PEPD: variants seen among roughly 807,000 people sequenced by gnomAD.
The protein encoded by PEPD is peptidase D.
Under a neutral mutation model 60.7 loss-of-function variants are expected in PEPD, and 53 were observed. That is an observed-to-expected ratio of 0.87 (90% CI 0.70 to 1.10). The LOEUF is 1.10. Ranked by LOEUF, PEPD falls within the 50% of genes least tolerant of loss-of-function variation. The pLI is 0.00. For synonymous variants in PEPD, 267 were observed against 284.1 expected (o/e 0.94, Z 0.60); for missense variants, 711 against 711.9 (o/e 1.00, Z 0.01).
intron 9 of PEPD, among the ~76,000 whole-genome samples, chr19:33,455,273 TCTA>T (rs1969774724): frequency 6.6e-6 from 1 of 152,210 alleles, no homozygotes; most frequent in African/African-American, 2.4e-5. Flanking sequence ...CATGGAACTC[TCTA>T]ATGTTCCTGT....
At chr19:33,416,073 G>T (rs537116928) in intron 9 of PEPD, among the ~76,000 whole-genome samples, 1 of 152,334 alleles carries the variant, frequency 6.6e-6, no homozygotes, top group African/African-American at 2.4e-5. Flanking sequence ...AAGCGTGTGA[G>T]CCCGGCGCGG....
chr19:33,511,870 G>A (rs1210066214), intron 2 of PEPD, among the ~76,000 whole-genome samples: 3 of 152,162 alleles, frequency 2.0e-5, no homozygotes, highest in Admixed American at 2.0e-4. Flanking sequence ...GGAGAGACGG[G>A]ACCCTTCAGG....
chr19:33,428,960 G>A lies in PEPD; in HGVS notation c.672-15317C>T, dbSNP rs143191924. Among the ~76,000 whole-genome samples the A allele has an allele frequency of 2.7e-3, 417 of 152,326 alleles. 3 individuals are homozygous for A. Among genetic ancestry groups the A allele is most frequent in the African/African-American group, 9.7e-3 (403 of 41,574 alleles). On this transcript the variant is annotated intron_variant, in intron 9 of 14. Transcript: ENST00000244137. ...AAACCCTGTCTGCCCAGGCAGCCCC[G>A]AGTGGAGATCTAGCCCTGTGTTCAC...
rs564761160 is a variant in PEPD at position 33,400,543 on chromosome 19, T to G, written c.967+1178A>C. Among the ~76,000 whole-genome samples, 333 of 152,356 alleles carry G rather than the reference T, an allele frequency of 2.2e-3. 1 individual carries two copies. Among genetic ancestry groups the G allele is most frequent in the Non-Finnish European group, 2.6e-3 (178 of 68,018 alleles). Reference sequence around the variant, plus strand: ...GGGAAAGCCCCTCTGCGCTGCAGGCTGGACCCTGGCAGCTGCCGAACAGAT... The same window carrying G: ...GGGAAAGCCCCTCTGCGCTGCAGGCGGGACCCTGGCAGCTGCCGAACAGAT... On this transcript the variant is annotated intron_variant, in intron 12 of 14. Coordinates refer to ENST00000244137, the MANE Select transcript of PEPD (RefSeq NM_000285.4).
chr19:33,495,152 C>T (rs967862383), intron 4 of PEPD, among the ~76,000 whole-genome samples: 2 of 151,448 alleles, frequency 1.3e-5, no homozygotes, highest in African/African-American at 4.9e-5. Context: ...AAAATTACAT[C>T]TAATAATTAG....
chr19:33,491,925 T>C (rs1246016204), intron 5 of PEPD, among the ~76,000 whole-genome samples: 1 of 152,100 alleles, frequency 6.6e-6, no homozygotes, highest in Non-Finnish European at 1.5e-5. Flanking sequence ...TATTTAAGAA[T>C]GTTAGCACAG....
chr19:33,462,031 T>G (rs931085479), intron 9 of PEPD, among the ~76,000 whole-genome samples: 32 of 152,178 alleles, frequency 2.1e-4, no homozygotes, highest in Non-Finnish European at 4.4e-4. Flanking sequence ...CACAGCGAAC[T>G]GAAGCATCCA....
intron 9 of PEPD, among the ~76,000 whole-genome samples, chr19:33,422,864 A>G (rs943201634): frequency 2.0e-5 from 3 of 146,450 alleles, no homozygotes; most frequent in Non-Finnish European, 4.5e-5. Context: ...CCATCTCTCT[A>G]TATCTATCCA....
intron 7 of PEPD, among the ~76,000 whole-genome samples, chr19:33,464,747 G>A (rs1466415176): frequency 1.3e-5 from 2 of 152,128 alleles, no homozygotes; most frequent in Admixed American, 6.5e-5. Flanking sequence ...CCTGCAACTG[G>A]ACTCCTGAGG....
chr19:33,422,639 T>A (rs1214587118), intron 9 of PEPD, among the ~76,000 whole-genome samples: 5 of 149,034 alleles, frequency 3.4e-5, no homozygotes, highest in African/African-American at 1.2e-4. Context: ...TCTATCTACC[T>A]ACCTCCTACG....
Position 33,401,798 on chromosome 19 carries a change from T to C in PEPD, c.890A>G (p.Lys297Arg). The C allele has an allele frequency of 6.2e-7, 1 of 1,612,986 alleles. No individual in the cohort carries two copies. The highest frequency in any genetic ancestry group is 8.5e-7 in the Non-Finnish European group (1 of 1,179,782). ...GACGGCCTTCTGGTCTGCAGTGAAC[T>C]TGCCGTTGGCGGGAAAGGAGCAGGT... is the stretch of plus-strand genomic sequence containing the variant. ...DITCSFPANGKFTADQKAVYE... is the reference protein window; with the variant it reads ...DITCSFPANGRFTADQKAVYE... The change falls in exon 12 of 15, where the codon AAG (lysine) becomes AGG (arginine). Residue 297 changes from lysine (K) to arginine (R), a missense_variant. By Grantham distance (26) the Lys-to-Arg change is conservative. Coordinates refer to ENST00000244137, the MANE Select transcript of PEPD (RefSeq NM_000285.4).
intron 11 of PEPD, among the ~76,000 whole-genome samples, chr19:33,406,547 G>A (rs1228046599): frequency 6.6e-6 from 1 of 152,252 alleles, no homozygotes; most frequent in Non-Finnish European, 1.5e-5. Flanking sequence ...GAAACAGCAA[G>A]GTGGTGGGGG....
intron 3 of PEPD, among the ~76,000 whole-genome samples, chr19:33,506,334 CCA>C (rs1467078802): frequency 3.6e-5 from 5 of 137,034 alleles, no homozygotes; most frequent in Admixed American, 7.4e-5. Flanking sequence ...ACACACACAC[CCA>C]CACACAACAC....
intron 9 of PEPD, among the ~76,000 whole-genome samples, chr19:33,424,751 A>G (rs1324184307): frequency 1.3e-5 from 2 of 152,186 alleles, no homozygotes; most frequent in South Asian, 2.1e-4. Flanking sequence ...ATGGACTCAC[A>G]GTTCCATGTG....
chr19:33,403,388 C>T (rs1968547554), intron 11 of PEPD, among the ~76,000 whole-genome samples: 1 of 152,218 alleles, frequency 6.6e-6, no homozygotes, highest in African/African-American at 2.4e-5. Flanking sequence ...TCTTTGGCTC[C>T]ACCCTGGGCT....
chr19:33,400,971 G>A (rs1431236490), intron 12 of PEPD, among the ~76,000 whole-genome samples: 1 of 152,172 alleles, frequency 6.6e-6, no homozygotes, highest in Non-Finnish European at 1.5e-5. Flanking sequence ...GGCCTTGTTG[G>A]GAGGATGCTG....
At chr19:33,426,738 C>T (rs1413788669) in intron 9 of PEPD, among the ~76,000 whole-genome samples, 1 of 151,386 alleles carries the variant, frequency 6.6e-6, no homozygotes, top group Non-Finnish European at 1.5e-5. Context: ...GGAGCTGGGT[C>T]ACTGAGGAAA....
chr19:33,439,590 T>C (rs1969446217), intron 9 of PEPD, among the ~76,000 whole-genome samples: 1 of 152,186 alleles, frequency 6.6e-6, no homozygotes, highest in Admixed American at 6.5e-5. Flanking sequence ...CCCAGGTCAT[T>C]TGCTTTAGCT....
chr19:33,421,086 T>A (rs1477222133), intron 9 of PEPD, among the ~76,000 whole-genome samples: 1 of 152,220 alleles, frequency 6.6e-6, no homozygotes, highest in Admixed American at 6.5e-5. Flanking sequence ...CCCGTGTGTT[T>A]CTCCATTCTT....
Sources: gnomAD v4.1 joint callset for allele counts (sites outside exome capture counted in the v4.1 genomes callset) on GRCh38, gnomAD v4.1.1 for gene constraint, MANE v1.5 for transcripts, NCBI Gene and HGNC (gene_info 2026-07-23, HGNC 2026-07-21) for gene names.